Variants in DYNC2I1 observed in about 807,000 individuals in gnomAD.
The protein encoded by DYNC2I1 is cytoplasmic dynein 2 intermediate chain 1.
A neutral mutation model predicts 133.4 loss-of-function variants in DYNC2I1; 89 were observed. That is an observed-to-expected ratio of 0.67 (90% CI 0.56 to 0.80). The LOEUF (loss-of-function observed/expected upper bound fraction) is 0.80. Among genes scored for constraint, DYNC2I1 ranks in the 30% least tolerant of loss-of-function variants. The probability of loss-of-function intolerance (pLI) is 0.00; values close to 1 mark genes in which losing one functional copy is unlikely to be tolerated. For missense variants in DYNC2I1, 1,291 were observed against 1,314.5 expected (o/e 0.98, Z 0.28); for synonymous variants, 504 against 484.3 (o/e 1.04, Z -0.54).
At chr7:158,918,944 A>C in intron 15 of DYNC2I1, 75 bp downstream of exon 15, 1 of 1,446,986 alleles carries the variant, frequency 6.9e-7, no homozygotes, top group South Asian at 1.4e-5. Context: ...TCTGTAGTAT[A>C]ATATTTTATT....
rs1843803377 is a variant in DYNC2I1 at position 158,879,702 on chromosome 7, A to C, written c.592A>C (p.Lys198Gln). ...RERKLQYGDSKDNPLKYWLYK... is the reference protein window; with the variant it reads ...RERKLQYGDSQDNPLKYWLYK... The stretch of plus-strand genomic sequence containing the variant: ...TTTACAGCTGCAGTACGGAGACAGC[A>C]AGGACAACCCTCTCAAGTACTGGCT... The change falls in exon 5 of 25, where the codon AAG (lysine) becomes CAG (glutamine). Residue 198 changes from lysine (K) to glutamine (Q), a missense_variant. Transcript: ENST00000407559. The C allele has an allele frequency of 6.3e-7, 1 of 1,588,186 alleles. No homozygotes were observed. The highest frequency in any genetic ancestry group is 2.0e-5 in the Admixed American group (1 of 50,684).
chr7:158,918,285 T>C lies in DYNC2I1; in HGVS notation c.1792-455T>C, dbSNP rs140741829. Among the ~76,000 whole-genome samples, 34 of 152,316 alleles carry C rather than the reference T, an allele frequency of 2.2e-4. No individual in the cohort carries two copies. The East Asian group carries it at 6.4e-3, about 28-fold the overall frequency. On this transcript the variant is annotated intron_variant, in intron 14 of 24. Transcript: ENST00000407559. ...TTTCCAGTTCTTTTTCCATCAATCC[T>C]GTTTTGTCTCCCAATCTTCTCTTTC...
intron 1 of DYNC2I1, among the ~76,000 whole-genome samples, chr7:158,859,185 G>A (rs970743485): frequency 3.3e-5 from 5 of 150,796 alleles, no homozygotes; most frequent in Non-Finnish European, 7.4e-5. Flanking sequence ...TTAGACAAGA[G>A]TATATGTGGG....
At chr7:158,914,918 TA>T (rs1242613030) in intron 14 of DYNC2I1, among the ~76,000 whole-genome samples, 1 of 152,240 alleles carries the variant, frequency 6.6e-6, no homozygotes, top group South Asian at 2.1e-4. Context: ...GAGTAATTAG[TA>T]ATAACTTATA....
intron 21 of DYNC2I1, 95 bp from the exon 22 acceptor site, chr7:158,934,034 A>C: frequency 1.2e-6 from 1 of 835,820 alleles, no homozygotes. Flanking sequence ...CCTGTTATAC[A>C]TCGATGTATT....
intron 23 of DYNC2I1, among the ~76,000 whole-genome samples, chr7:158,937,036 G>A (rs1850830119): frequency 1.3e-5 from 2 of 152,120 alleles, no homozygotes; most frequent in African/African-American, 4.8e-5. Flanking sequence ...CTCCCCAGAA[G>A]GACAAAGCAA....
intron 17 of DYNC2I1, 40 bp from the exon 18 acceptor site, chr7:158,926,143 AACTT>A: frequency 6.8e-7 from 1 of 1,472,744 alleles, no homozygotes; most frequent in Non-Finnish European, 9.4e-7. Context: ...GCATTTCTTC[AACTT>A]ACTACTTACA....
chr7:158,890,472 A>G (rs910280038), intron 7 of DYNC2I1, among the ~76,000 whole-genome samples: 2 of 152,200 alleles, frequency 1.3e-5, no homozygotes, highest in Non-Finnish European at 2.9e-5. Context: ...TTCAGCATTT[A>G]TGGAGTGCCT....
At chr7:158,919,127 A>T (rs141195876) in intron 15 of DYNC2I1, among the ~76,000 whole-genome samples, 37 of 152,310 alleles carry the variant, frequency 2.4e-4, no homozygotes, top group African/African-American at 8.7e-4. Flanking sequence ...GATTGTTTGA[A>T]TGAATGGGAA....
intron 4 of DYNC2I1, among the ~76,000 whole-genome samples, chr7:158,877,342 C>T (rs191536116): frequency 2.6e-5 from 4 of 152,182 alleles, no homozygotes; most frequent in African/African-American, 4.8e-5. Flanking sequence ...CAGGCACCTG[C>T]GGTTCTGGAC....
At chr7:158,882,993 A>C (rs1402410627) in intron 5 of DYNC2I1, among the ~76,000 whole-genome samples, 1 of 152,134 alleles carries the variant, frequency 6.6e-6, no homozygotes. Context: ...GAAATTCAAA[A>C]CTTTTGAGTA....
At chr7:158,846,023 G>A in the DYNC2I1 span, among the ~76,000 whole-genome samples, 1 of 152,316 alleles carries the variant, frequency 6.6e-6, no homozygotes, top group Non-Finnish European at 1.5e-5. Context: ...ACTCTGGGAG[G>A]CCACGGCAGG....
chr7:158,915,353 G>GGTGGTTGAGATTAAGGATGATTGTGAAA (rs1847980819), intron 14 of DYNC2I1, among the ~76,000 whole-genome samples: 13 of 117,052 alleles, frequency 1.1e-4, no homozygotes, highest in South Asian at 8.2e-4. Context: ...ACGTCGACAC[G>GGTGGTTGAGATTAAGGATGATTGTGAAA]CTGGTTGACA....
In DYNC2I1 at chr7:158,891,428, A is replaced by G. The variant is rs1367378972; in HGVS notation, c.1059+95A>G. On this transcript the variant is annotated intron_variant, in intron 8 of 24. Coordinates refer to ENST00000407559, the MANE Select transcript of DYNC2I1 (RefSeq NM_018051.5). ...TTCCTGTCAGCATTTTGCTAGTGCA[A>G]TTATTGTCCCTTTCAGACAGCAGAA... 4 of 1,357,488 alleles carry G rather than the reference A, an allele frequency of 2.9e-6. No individual in the cohort carries two copies. In the East Asian group the frequency reaches 9.2e-5, roughly 31 times the overall value. 84.1% of individuals were successfully genotyped at this position (1,357,488 alleles called of 1,614,324 possible).
At chr7:158,919,485 A>G (rs1216595473) in intron 15 of DYNC2I1, among the ~76,000 whole-genome samples, 3 of 152,224 alleles carry the variant, frequency 2.0e-5, no homozygotes, top group Non-Finnish European at 4.4e-5. Flanking sequence ...GTCTCTGAAA[A>G]AGTGGCTGTC....
upstream of DYNC2I1, among the ~76,000 whole-genome samples, chr7:158,855,939 CTTTTTTTTTTTTT>C (rs71200072): frequency 8.4e-6 from 1 of 119,290 alleles, no homozygotes; most frequent in South Asian, 2.7e-4. Flanking sequence ...AAGCTCTTTT[CTTTTTTTTTTTTT>C]TTTTTTTGAG....
At chr7:158,951,156 C>T (rs1852042721), downstream of DYNC2I1, among the ~76,000 whole-genome samples, 1 of 152,212 alleles carries the variant, frequency 6.6e-6, no homozygotes, top group Admixed American at 6.5e-5. Context: ...GTTGTTTTGT[C>T]TCTTGGGAAT....
intron 15 of DYNC2I1, among the ~76,000 whole-genome samples, chr7:158,919,393 A>G (rs1848788573): frequency 6.6e-6 from 1 of 152,260 alleles, no homozygotes; most frequent in South Asian, 2.1e-4. Flanking sequence ...CAGAAAGTAC[A>G]GTTGCATGTA....
intron 11 of DYNC2I1, among the ~76,000 whole-genome samples, chr7:158,907,164 G>GA (rs150638362): frequency 1.7e-3 from 220 of 128,266 alleles, no homozygotes; most frequent in Non-Finnish European, 1.6e-3. Flanking sequence ...TCTCAAAAAA[G>GA]AAAAAAAAAA....
Sources: allele counts gnomAD v4.1 joint callset (sites outside exome capture counted in the v4.1 genomes callset), GRCh38; gene constraint gnomAD v4.1.1; transcripts MANE v1.5; gene names NCBI Gene and HGNC (gene_info 2026-07-23, HGNC 2026-07-21).